Variants in SRPK2 observed in about 807,000 individuals in gnomAD.
SRPK2 encodes the protein SFRS protein kinase 2.
In SRPK2, 21 loss-of-function variants were observed where a neutral mutation model predicts 90.8. That is an observed-to-expected ratio of 0.23 (90% CI 0.16 to 0.33). SRPK2 has a LOEUF of 0.33. Ranked by LOEUF, SRPK2 falls within the 10% of genes least tolerant of loss-of-function variation. SRPK2 has a pLI of 1.00. For missense variants in SRPK2, 620 were observed against 869.0 expected (o/e 0.71, Z 3.60); for synonymous variants, 288 against 311.1 (o/e 0.93, Z 0.78).
At chr7:105,302,446 T>A (rs1810661338) in intron 2 of SRPK2, among the ~76,000 whole-genome samples, 1 of 152,204 alleles carries the variant, frequency 6.6e-6, no homozygotes. Flanking sequence ...ACTATCATCC[T>A]GGTGGAGCCA....
At chr7:105,294,436 A>T (rs1340276318) in intron 2 of SRPK2, among the ~76,000 whole-genome samples, 2 of 152,182 alleles carry the variant, frequency 1.3e-5, no homozygotes, top group Non-Finnish European at 2.9e-5. Context: ...TTGTTCCTTT[A>T]AAGGCTACCA....
chr7:105,156,974 C>G (rs1383213213), intron 7 of SRPK2, among the ~76,000 whole-genome samples: 1 of 152,128 alleles, frequency 6.6e-6, no homozygotes, highest in Non-Finnish European at 1.5e-5. Flanking sequence ...CTTCAGCAAA[C>G]AGGCAATGGG....
intron 2 of SRPK2, among the ~76,000 whole-genome samples, chr7:105,301,067 T>G (rs1265714800): frequency 1.3e-5 from 2 of 152,172 alleles, no homozygotes; most frequent in African/African-American, 4.8e-5. Context: ...CACATGCACA[T>G]GTATGTTTAT....
chr7:105,170,934 G>GGAAAGAAAGAAA (rs1554435876), intron 3 of SRPK2, among the ~76,000 whole-genome samples: 647 of 29,032 alleles, frequency 0.022, 59 homozygotes, highest in East Asian at 0.043. Flanking sequence ...AAAAGAAAAA[G>GGAAAGAAAGAAA]GAAAGAAAGA....
intron 2 of SRPK2, among the ~76,000 whole-genome samples, chr7:105,307,791 A>T (rs1045799000): frequency 3.3e-5 from 5 of 152,362 alleles, no homozygotes; most frequent in African/African-American, 1.2e-4. Flanking sequence ...ATAATCAGAA[A>T]TAACATACGC....
intron 2 of SRPK2, among the ~76,000 whole-genome samples, chr7:105,258,340 C>G (rs1436290783): frequency 2.7e-5 from 4 of 148,940 alleles, no homozygotes; most frequent in African/African-American, 5.0e-5. Flanking sequence ...TTGCTTGAAC[C>G]CGGGAGGCAG....
At chr7:105,398,971 A>G (rs1244809052) in intron 1 of SRPK2, among the ~76,000 whole-genome samples, 1 of 152,180 alleles carries the variant, frequency 6.6e-6, no homozygotes, top group Non-Finnish European at 1.5e-5. Flanking sequence ...GTACCTAAGC[A>G]TGTCTGTTTG....
In SRPK2 at chr7:105,169,197, A is replaced by G; in HGVS notation, c.298T>C (p.Trp100Arg). ...AGCCAGACAGTAGAGAAGTGCCCCC[A>G]TCCAAGCTTTCTAATAACATGATAC... Reference protein sequence around the residue: ...GRYHVIRKLGWGHFSTVWLCW... With the variant: ...GRYHVIRKLGRGHFSTVWLCW... The change falls in exon 4 of 16, where the codon TGG becomes CGG. Residue 100 changes from tryptophan (W) to arginine (R), a missense_variant. Coordinates refer to ENST00000393651, the MANE Select transcript of SRPK2 (RefSeq NM_182692.3). 1 of 1,613,642 alleles carries G rather than the reference A, an allele frequency of 6.2e-7. No homozygotes were observed. The highest frequency in any genetic ancestry group is 2.2e-5 in the East Asian group (1 of 44,870).
intron 2 of SRPK2, among the ~76,000 whole-genome samples, chr7:105,228,485 C>T (rs1036875993): frequency 2.0e-5 from 3 of 152,082 alleles, no homozygotes; most frequent in African/African-American, 7.2e-5. Flanking sequence ...TCCTAATGGG[C>T]CTAATGTAAG....
At chr7:105,119,786 C>A (rs1800064959) in intron 15 of SRPK2, among the ~76,000 whole-genome samples, 2 of 152,194 alleles carry the variant, frequency 1.3e-5, no homozygotes, top group African/African-American at 4.8e-5. Context: ...ACCCTGGTTG[C>A]ACCACCCCAA....
At chr7:105,212,808 C>T (rs1797018250) in intron 2 of SRPK2, among the ~76,000 whole-genome samples, 1 of 152,236 alleles carries the variant, frequency 6.6e-6, no homozygotes, top group South Asian at 2.1e-4. Flanking sequence ...AGTTGTTGCT[C>T]TGTATCCATG....
At chr7:105,201,152 T>C (rs1342173072) in intron 3 of SRPK2, among the ~76,000 whole-genome samples, 1 of 152,174 alleles carries the variant, frequency 6.6e-6, no homozygotes, top group Non-Finnish European at 1.5e-5. Context: ...ATTCCAGACA[T>C]TCCAAATCAA....
chr7:105,201,741 A>G (rs1042298174), intron 3 of SRPK2, among the ~76,000 whole-genome samples: 1 of 151,984 alleles, frequency 6.6e-6, no homozygotes, highest in African/African-American at 2.4e-5. Flanking sequence ...AAGACTCAGG[A>G]GGCTGAGATG....
At chr7:105,263,213 C>G (rs1363226980) in intron 2 of SRPK2, among the ~76,000 whole-genome samples, 2 of 152,018 alleles carry the variant, frequency 1.3e-5, no homozygotes, top group Non-Finnish European at 2.9e-5. Context: ...ATCCCAGCTA[C>G]TCTGGAGGCT....
chr7:105,331,932 G>A (rs1248827771), intron 2 of SRPK2, among the ~76,000 whole-genome samples: 1 of 152,014 alleles, frequency 6.6e-6, no homozygotes, highest in African/African-American at 2.4e-5. Context: ...GCCAAGGCAG[G>A]TGAATCACAT....
chr7:105,176,169 G>A (rs1791815647), intron 3 of SRPK2, among the ~76,000 whole-genome samples: 2 of 152,286 alleles, frequency 1.3e-5, no homozygotes, highest in African/African-American at 4.8e-5. Context: ...ACTTGGGTCA[G>A]TATTCAAAAT....
At chr7:105,185,987 T>C (rs1793528754) in intron 3 of SRPK2, among the ~76,000 whole-genome samples, 1 of 152,242 alleles carries the variant, frequency 6.6e-6, no homozygotes, top group Non-Finnish European at 1.5e-5. Context: ...TTTGGAAGTC[T>C]GCATCTTTTT....
intron 2 of SRPK2, among the ~76,000 whole-genome samples, chr7:105,286,469 G>A (rs1808118485): frequency 1.3e-5 from 2 of 152,112 alleles, no homozygotes; most frequent in South Asian, 4.1e-4. Context: ...TAGTTTATGA[G>A]GTAAACTACA....
Position 105,349,244 on chromosome 7 carries a change from C to A in SRPK2, c.71+39404G>T, listed in dbSNP as rs949612110. 3.3e-5 allele frequency among the ~76,000 whole-genome samples: 5 copies of A among 151,062 alleles called. No homozygotes were observed. In the East Asian group the frequency reaches 9.7e-4, roughly 29 times the overall value. ...GAACCTACGAAAGAATTAAGGGGGC[C>A]AAGCATGGTGGCTCACGCCTGTAAT... On this transcript the variant is annotated intron_variant, in intron 2 of 15. Coordinates refer to ENST00000393651, the MANE Select transcript of SRPK2 (RefSeq NM_182692.3).
Sources: allele counts gnomAD v4.1 joint callset (sites outside exome capture counted in the v4.1 genomes callset), GRCh38; gene constraint gnomAD v4.1.1; transcripts MANE v1.5; gene names NCBI Gene and HGNC (gene_info 2026-07-23, HGNC 2026-07-21).